NID2: variants seen among roughly 807,000 people sequenced by gnomAD.
NID2 encodes nidogen 2.
A neutral mutation model predicts 145.4 loss-of-function variants in NID2; 83 were observed. That is an observed-to-expected ratio of 0.57 (90% confidence interval 0.48 to 0.69). The LOEUF is 0.69. Among genes scored for constraint, NID2 ranks in the 30% least tolerant of loss-of-function variants. NID2 has a pLI of 0.00. For missense variants in NID2, 1,807 were observed against 1,765.7 expected (o/e 1.02, Z -0.42); for synonymous variants, 739 against 701.3 (o/e 1.05, Z -0.85).
intron 21 of NID2, 71 bp from the exon 22 acceptor site, chr14:52,005,567 C>T (rs1890741246): frequency 1.3e-6 from 2 of 1,546,582 alleles, no homozygotes; most frequent in Non-Finnish European, 1.8e-6. Context: ...AACAGCAAGT[C>T]TTTGCATTTT....
At chr14:52,030,516 A>AAAAGAAAGAAAG (rs535564581) in intron 9 of NID2, among the ~76,000 whole-genome samples, 58 of 63,094 alleles carry the variant, frequency 9.2e-4, no homozygotes, top group African/African-American at 2.8e-3. Flanking sequence ...AGAAAGAAAG[A>AAAAGAAAGAAAG]AAAGAAAGAA....
At chr14:52,031,030 C>T (rs1344723090) in intron 9 of NID2, among the ~76,000 whole-genome samples, 3 of 152,222 alleles carry the variant, frequency 2.0e-5, no homozygotes, top group African/African-American at 7.2e-5. Context: ...CAGGGTTACA[C>T]AGTCAGAAGA....
At chr14:52,060,433 A>C in intron 2 of NID2, 77 bp from the exon 3 acceptor site, 1 of 798,348 alleles carries the variant, frequency 1.3e-6, no homozygotes. Context: ...GAAGAAAGAA[A>C]CAGAATGCAA....
chr14:52,044,002 G>A (rs1595040619), intron 5 of NID2, among the ~76,000 whole-genome samples: 3 of 152,172 alleles, frequency 2.0e-5, no homozygotes, highest in Non-Finnish European at 2.9e-5. Context: ...GCATGAAGGA[G>A]GACACCCACC....
chr14:52,053,973 T>A, intron 4 of NID2, 35 bp from the exon 5 acceptor site: 1 of 1,611,400 alleles, frequency 6.2e-7, no homozygotes, highest in Non-Finnish European at 8.5e-7. Context: ...AAGTAGGTGT[T>A]GGATGCAAGG....
rs1351464268 is a variant in NID2 at position 52,020,984 on chromosome 14, C to T, written c.2675-806G>A. Among the ~76,000 whole-genome samples the T allele has an allele frequency of 6.6e-5, 10 of 151,948 alleles. No individual in the cohort carries two copies. In the South Asian group the frequency reaches 1.0e-3, roughly 16 times the overall value. ...TTTATTTAATGAAATCCGCATATGC[C>T]GACAATAGCAAGTCACCCACCCCTC... On this transcript the variant is annotated intron_variant, in intron 12 of 21. Transcript: ENST00000216286.
chr14:52,035,869 TA>T lies in NID2; in HGVS notation c.2257+2877del, dbSNP rs1249741568. On this transcript the variant is annotated intron_variant, in intron 9 of 21. Transcript: ENST00000216286. The stretch of plus-strand genomic sequence containing the variant: ...AAATTTTTTTGTGTATATATATATA[TA>T]TATATATATGTTTTATTTTGTAGAG... 3.4e-4 allele frequency among the ~76,000 whole-genome samples: 47 copies of T among 136,656 alleles called. 5 individuals carry two copies. Among genetic ancestry groups the T allele is most frequent in the African/African-American group, 8.5e-4 (31 of 36,644 alleles). 89.7% of individuals were successfully genotyped at this position (136,656 alleles called of 152,430 possible).
chr14:52,009,222 A>T (rs143636514), intron 18 of NID2: 2 of 152,324 alleles, frequency 1.3e-5, no homozygotes, highest in East Asian at 3.9e-4. Context: ...GCTAAGGTGG[A>T]GGTGGCCAGA....
rs1256779473 is a variant in NID2, at chr14:52,030,534, A to AAG, written c.2258-846_2258-845dup. Among the ~76,000 whole-genome samples, 288 of 54,844 alleles carry AAG rather than the reference A, an allele frequency of 5.3e-3. 4 individuals carry two copies. The highest frequency in any genetic ancestry group is 0.025 in the Middle Eastern group (3 of 122). 36.0% of individuals were successfully genotyped at this position (54,844 alleles called of 152,430 possible). On this transcript the variant is annotated intron_variant, in intron 9 of 21. Transcript: ENST00000216286. ...AAGAAAGAAAAGAAAGAAAGAAAGA[A>AAG]AGAAAGAAAGAAAGAAAGAAAGAAA...
chr14:52,022,809 C>T (rs1891449771), intron 12 of NID2, among the ~76,000 whole-genome samples: 1 of 152,176 alleles, frequency 6.6e-6, no homozygotes, highest in South Asian at 2.1e-4. Flanking sequence ...AAACCTAACC[C>T]CTGGCCTCGA....
intron 5 of NID2, among the ~76,000 whole-genome samples, chr14:52,045,608 G>T (rs1356348418): frequency 1.4e-5 from 2 of 144,740 alleles, no homozygotes; most frequent in Admixed American, 1.4e-4. Context: ...TGGCTGTGAA[G>T]AAAACTGTAT....
intron 18 of NID2, chr14:52,009,283 C>T (rs1890917079): frequency 6.6e-6 from 1 of 152,150 alleles, no homozygotes; most frequent in Non-Finnish European, 1.5e-5. Context: ...GTCTCCTCCC[C>T]AAAATGATTT....
chr14:52,044,370 C>T (rs950953286), intron 5 of NID2, among the ~76,000 whole-genome samples: 9 of 147,560 alleles, frequency 6.1e-5, no homozygotes, highest in South Asian at 2.2e-4. Context: ...CCCAGGTTCA[C>T]GCCATTCTCT....
intron 18 of NID2, 79 bp from the exon 19 acceptor site, chr14:52,008,046 C>A: frequency 8.8e-7 from 1 of 1,133,174 alleles, no homozygotes; most frequent in Non-Finnish European, 1.3e-6. Flanking sequence ...CCCCAGTGAT[C>A]TCCATCTCCT....
Position 52,054,282 on chromosome 14 carries a change from A to C in NID2, c.807T>G (p.His269Gln). Residue 269 changes from histidine (H) to glutamine (Q), a missense_variant, in exon 4 of 22, where the codon CAT becomes CAG. His to Gln is a conservative substitution (Grantham distance 24). Transcript: ENST00000216286. ...NLGIPGVWAF[H>Q]IGSTSPLDNV... ...TGTCCAACGGGGAAGTGCTGCCGATATGGAAAGCCCACACTCCAGGGATCC... is the reference window on the plus strand; with the variant it reads ...TGTCCAACGGGGAAGTGCTGCCGATCTGGAAAGCCCACACTCCAGGGATCC... 1 of 1,614,154 alleles carries C rather than the reference A, an allele frequency of 6.2e-7. No homozygotes were observed. The highest frequency in any genetic ancestry group is 1.1e-5 in the South Asian group (1 of 91,074).
chr14:52,061,778 G>C (rs1228945456), intron 2 of NID2, among the ~76,000 whole-genome samples: 1 of 152,018 alleles, frequency 6.6e-6, no homozygotes, highest in African/African-American at 2.4e-5. Context: ...TTCATTCAGC[G>C]ACCGCTCCTC....
chr14:52,005,712 G>C, intron 21 of NID2, 25 bp downstream of exon 21: 1 of 1,563,636 alleles, frequency 6.4e-7, no homozygotes, highest in Non-Finnish European at 8.8e-7. Flanking sequence ...TAATTTAAAG[G>C]AGCATCCTAA....
intron 5 of NID2, among the ~76,000 whole-genome samples, chr14:52,050,962 A>T (rs1009335466): frequency 6.6e-6 from 1 of 152,228 alleles, no homozygotes; most frequent in African/African-American, 2.4e-5. Flanking sequence ...AGAGACAGGT[A>T]CACGGCAGGT....
At chr14:52,060,048 T>A (rs1046916360) in intron 3 of NID2, 76 bp downstream of exon 3, 1 of 1,030,930 alleles carries the variant, frequency 9.7e-7, no homozygotes, top group Non-Finnish European at 1.4e-6. Context: ...AATGGTCTTA[T>A]GGTCACTTGT....
Sources: allele counts gnomAD v4.1 joint callset (sites outside exome capture counted in the v4.1 genomes callset), GRCh38; gene constraint gnomAD v4.1.1; transcripts MANE v1.5; gene names NCBI Gene and HGNC (gene_info 2026-07-23, HGNC 2026-07-21).